NCOA4: variants seen among roughly 807,000 people sequenced by gnomAD.
The protein encoded by NCOA4 is nuclear receptor coactivator 4.
In NCOA4, 31 loss-of-function variants were observed where a neutral mutation model predicts 69.5. The observed-to-expected ratio is 0.45, with a 90% CI of 0.34 to 0.60. The LOEUF (loss-of-function observed/expected upper bound fraction) is 0.60. NCOA4 is among the 20% of genes least tolerant of loss of function. The pLI, the probability that NCOA4 is intolerant of heterozygous loss-of-function variation, is 0.02. For missense variants in NCOA4, 600 were observed against 719.2 expected, an observed-to-expected ratio of 0.83 and a Z score of 1.90; for synonymous variants, 228 against 252.4, an observed-to-expected ratio of 0.90 and a Z score of 0.92.
In NCOA4 at chr10:46,009,509, G is replaced by A. The variant is rs782465567; in HGVS notation, c.1741C>T (p.Pro581Ser). 6.2e-7 allele frequency: 1 copy of A among 1,611,056 alleles called. No individual in the cohort carries two copies. Among genetic ancestry groups the A allele is most frequent in the East Asian group, 2.2e-5 (1 of 44,870 alleles). ...GCAGGGAGGCCATAATGGTCTGGGG[G>A]GAAGTTATGTTCCTCCTGTAGAGGT... ...NSPLQEEHNF[P>S]PDHYGLPAVC... The change falls in exon 9 of 10, where the codon CCC (proline) becomes TCC (serine). Residue 581 changes from proline to serine, a missense_variant. Coordinates refer to ENST00000581486, the MANE Select transcript of NCOA4 (RefSeq NM_001145263.2).
At chr10:46,028,539 TAAAAA>T (rs61255702) in intron 1 of NCOA4, among the ~76,000 whole-genome samples, 1 of 130,776 alleles carries the variant, frequency 7.6e-6, no homozygotes, top group Non-Finnish European at 1.7e-5. Flanking sequence ...CACCATTAAT[TAAAAA>T]AAAAAAAAAA....
rs1838774804 is a variant in NCOA4 at position 46,005,787 on chromosome 10, C to T, written c.*805G>A. The T allele has an allele frequency of 1.4e-5, 3 of 211,748 alleles. No individual in the cohort carries two copies. The highest frequency in any genetic ancestry group is 3.7e-4 in the South Asian group (2 of 5,338). The allele number at this position is 211,748 out of a possible 1,614,324, so 13.1% of individuals were successfully genotyped here. On this transcript the variant is annotated 3_prime_UTR_variant, in exon 10 of 10. Coordinates refer to ENST00000581486, the MANE Select transcript of NCOA4 (RefSeq NM_001145263.2). The stretch of plus-strand genomic sequence containing the variant: ...AGTGACTGTTTCAAGTACTATACTA[C>T]ATTTCCAACATGTCTTTTGCCTATT...
chr10:46,017,827 C>T (rs188371722), intron 1 of NCOA4, among the ~76,000 whole-genome samples: 1 of 152,238 alleles, frequency 6.6e-6, no homozygotes, highest in Admixed American at 6.5e-5. Context: ...AAAGCCATAA[C>T]GTAAAACTTG....
rs1414175477 is a variant in NCOA4, at chr10:46,012,815, C to T, written c.714+68G>A. 10 of 1,565,656 alleles carry T rather than the reference C, an allele frequency of 6.4e-6. No homozygotes were observed. In the East Asian group the frequency reaches 2.0e-4, roughly 32 times the overall value. Reference sequence around the variant, plus strand: ...AAAAAGTTAACAATGACACATAGTACTACTGATTAGTAACTAACTCCACCT... The same window carrying T: ...AAAAAGTTAACAATGACACATAGTATTACTGATTAGTAACTAACTCCACCT... On this transcript the variant is annotated intron_variant, in intron 7 of 9. Transcript: ENST00000581486.
At chr10:46,027,013 C>A (rs376599532) in intron 1 of NCOA4, among the ~76,000 whole-genome samples, 18 of 152,234 alleles carry the variant, frequency 1.2e-4, no homozygotes, top group East Asian at 9.7e-4. Flanking sequence ...CGCCTGTAAT[C>A]CCAAAACTTT....
chr10:46,028,826 A>G (rs1590185369), intron 1 of NCOA4, among the ~76,000 whole-genome samples: 1 of 152,220 alleles, frequency 6.6e-6, no homozygotes, highest in Middle Eastern at 3.4e-3. Flanking sequence ...AGAAAATACT[A>G]ATTCTTTGAA....
rs1554922068 is a variant in NCOA4, at chr10:46,012,944, T to C, written c.653A>G (p.Tyr218Cys). The change falls in exon 7 of 10, where the codon TAC becomes TGC. Residue 218 changes from tyrosine (Y) to cysteine (C), a missense_variant. Physicochemically the swap from Tyr to Cys is radical, Grantham distance 194. Coordinates refer to ENST00000581486, the MANE Select transcript of NCOA4 (RefSeq NM_001145263.2). Reference sequence around the variant, plus strand: ...GTCCTGGGGGTCGGTGCTGGGTATGTAAGGAGCTTGATAACCACTGGCAGG... The same window carrying C: ...GTCCTGGGGGTCGGTGCTGGGTATGCAAGGAGCTTGATAACCACTGGCAGG... ...SKPASGYQAP[Y>C]IPSTDPQDWL... The C allele has an allele frequency of 1.9e-6, 3 of 1,614,166 alleles. No individual in the cohort carries two copies. The highest frequency in any genetic ancestry group is 1.3e-5 in the African/African-American group (1 of 75,042).
chr10:46,011,703 G>A (rs1554921677), intron 7 of NCOA4, among the ~76,000 whole-genome samples: 1 of 151,928 alleles, frequency 6.6e-6, no homozygotes, highest in African/African-American at 2.4e-5. Context: ...TACAAATAAA[G>A]CACAAAAAAT....
At chr10:46,027,512 A>G in intron 1 of NCOA4, 1 of 1,542,566 alleles carries the variant, frequency 6.5e-7, no homozygotes, top group Non-Finnish European at 8.8e-7. Flanking sequence ...ATGTTGAAGC[A>G]ATGTGTCCAG....
chr10:46,014,093 C>T lies in NCOA4; in HGVS notation c.480+351G>A, dbSNP rs139867256. Among the ~76,000 whole-genome samples, 420 of 152,064 alleles carry T rather than the reference C, an allele frequency of 2.8e-3. 2 individuals carry two copies. Among genetic ancestry groups the T allele is most frequent in the African/African-American group, 9.7e-3 (401 of 41,506 alleles). On this transcript the variant is annotated intron_variant, in intron 5 of 9. Coordinates refer to ENST00000581486, the MANE Select transcript of NCOA4 (RefSeq NM_001145263.2). ...CCAGGTTGGAATGCAGTGGCACGATCTCAGGTCACTGCAACCTCCGCCTCC... is the reference window on the plus strand; with the variant it reads ...CCAGGTTGGAATGCAGTGGCACGATTTCAGGTCACTGCAACCTCCGCCTCC...
intron 9 of NCOA4, among the ~76,000 whole-genome samples, chr10:46,007,541 A>G (rs1485536527): frequency 2.0e-5 from 3 of 150,656 alleles, no homozygotes; most frequent in Non-Finnish European, 4.4e-5. Context: ...TTCAAAGGAC[A>G]GATGGACTCT....
intron 8 of NCOA4, among the ~76,000 whole-genome samples, chr10:46,009,886 G>C (rs1158788191): frequency 2.0e-5 from 3 of 152,162 alleles, no homozygotes; most frequent in African/African-American, 7.2e-5. Flanking sequence ...GAAACTCTAG[G>C]CTGGGTGTGG....
At chr10:46,021,141 GCAACTAACCA>G in intron 1 of NCOA4, among the ~76,000 whole-genome samples, 1 of 152,268 alleles carries the variant, frequency 6.6e-6, no homozygotes, top group East Asian at 1.9e-4. Flanking sequence ...CCAGAATTGA[GCAACTAACCA>G]CAAATGAAGT....
chr10:46,008,089 C>T (rs1554920254), intron 9 of NCOA4, among the ~76,000 whole-genome samples: 1 of 152,188 alleles, frequency 6.6e-6, no homozygotes, highest in Non-Finnish European at 1.5e-5. Flanking sequence ...AATACTACAC[C>T]CATTGACAGT....
Position 46,025,455 on chromosome 10 carries a change from CAAGTT to C in NCOA4, c.-15+5066_-15+5070del, listed in dbSNP as rs145290212. 2.3e-3 allele frequency among the ~76,000 whole-genome samples: 343 copies of C among 152,314 alleles called. 2 individuals are homozygous for C. Among genetic ancestry groups the C allele is most frequent in the African/African-American group, 7.9e-3 (328 of 41,566 alleles). On this transcript the variant is annotated intron_variant, in intron 1 of 9. Coordinates refer to ENST00000581486, the MANE Select transcript of NCOA4 (RefSeq NM_001145263.2). ...GGTTTCTAGATGTCCTTAATCCAGT[CAAGTT>C]GACACCTAAAATTAACCATCACAGC...
At position 46,010,823 on chromosome 10, in the gene NCOA4, C is replaced by T; in HGVS notation, c.1098G>A (p.Leu366=). The change falls in exon 8 of 10, where the codon CTG becomes CTA. Residue 366 remains leucine, a synonymous_variant. Coordinates refer to ENST00000581486, the MANE Select transcript of NCOA4 (RefSeq NM_001145263.2). ...CCTCCAAGTGGTCATTCAGGCACTTCAGATTGCCCAGGTTTTCAATCTCCA... is the reference window on the plus strand; with the variant it reads ...CCTCCAAGTGGTCATTCAGGCACTTTAGATTGCCCAGGTTTTCAATCTCCA... ...KGVEIENLGN[L]KCLNDHLEAK... The T allele has an allele frequency of 6.2e-7, 1 of 1,613,982 alleles. No homozygotes were observed. The highest frequency in any genetic ancestry group is 1.1e-5 in the South Asian group (1 of 91,078).
rs1183999140 is a variant in NCOA4, at chr10:46,016,529, A to C, written c.141+11T>G. On this transcript the variant is annotated intron_variant, in intron 2 of 9. Coordinates refer to ENST00000581486, the MANE Select transcript of NCOA4 (RefSeq NM_001145263.2). ...AGTCCAGACAACAGAAGAGAAAAGC[A>C]CATGTCACACCTCTCGCAAGTTATC... The C allele has an allele frequency of 1.4e-6, 2 of 1,470,624 alleles. No individual in the cohort carries two copies. The highest frequency in any genetic ancestry group is 2.8e-5 in the African/African-American group (2 of 71,298). The allele number at this position is 1,470,624 out of a possible 1,614,324, so 91.1% of individuals were successfully genotyped here.
In NCOA4 at chr10:46,016,566, G is replaced by C; in HGVS notation, c.115C>G (p.Gln39Glu). The C allele has an allele frequency of 2.0e-6, 3 of 1,533,754 alleles. No individual in the cohort carries two copies. The highest frequency in any genetic ancestry group is 1.8e-5 in the Admixed American group (1 of 54,582). The change falls in exon 2 of 10, where the codon CAG (glutamine) becomes GAG (glutamate). Residue 39 changes from glutamine to glutamate, a missense_variant. Physicochemically the swap from Gln to Glu is conservative, Grantham distance 29. Coordinates refer to ENST00000581486, the MANE Select transcript of NCOA4 (RefSeq NM_001145263.2). Reference sequence around the variant, plus strand: ...TCTCGCAAGTTATCTTTAATTTGCTGTTCAGCCCGGAGAACTCCACCAATA... The same window carrying C: ...TCTCGCAAGTTATCTTTAATTTGCTCTTCAGCCCGGAGAACTCCACCAATA... ...LAIGGVLRAE[Q>E]QIKDNLREVK...
chr10:46,027,007 T>G (rs564526366), intron 1 of NCOA4, among the ~76,000 whole-genome samples: 2 of 152,286 alleles, frequency 1.3e-5, no homozygotes, highest in South Asian at 4.1e-4. Flanking sequence ...GGCTCACGCC[T>G]GTAATCCCAA....
Sources: gnomAD v4.1 joint callset for allele counts (sites outside exome capture counted in the v4.1 genomes callset) on GRCh38, gnomAD v4.1.1 for gene constraint, MANE v1.5 for transcripts, NCBI Gene and HGNC (gene_info 2026-07-23, HGNC 2026-07-21) for gene names.